Variants in CLASP2 observed in about 807,000 individuals in gnomAD.
CLASP2 encodes CLIP-associating protein 2.
A neutral mutation model predicts 194.4 loss-of-function variants in CLASP2; 47 were observed. The observed-to-expected ratio is 0.24, with a 90% CI of 0.19 to 0.31. The LOEUF (loss-of-function observed/expected upper bound fraction) is 0.31. Ranked by LOEUF, CLASP2 falls within the 10% of genes least tolerant of loss-of-function variation. The pLI, the probability that CLASP2 is intolerant of heterozygous loss-of-function variation, is 1.00. For missense variants in CLASP2, 1,445 were observed against 1,823.6 expected (o/e 0.79, Z 3.78); for synonymous variants, 619 against 633.5 (o/e 0.98, Z 0.34).
chr3:33,656,700 T>C (rs1240487020), intron 7 of CLASP2, among the ~76,000 whole-genome samples: 1 of 152,156 alleles, frequency 6.6e-6, no homozygotes, highest in Admixed American at 6.5e-5. Flanking sequence ...TCAGAACCAT[T>C]TAGAAAAATT....
At chr3:33,506,608 A>T (rs933636800) in intron 37 of CLASP2, among the ~76,000 whole-genome samples, 36 of 152,022 alleles carry the variant, frequency 2.4e-4, no homozygotes, top group Non-Finnish European at 4.4e-4. Context: ...CAATTCTTGG[A>T]GCTTCCTACT....
At chr3:33,530,438 C>G (rs955348676) in intron 34 of CLASP2, among the ~76,000 whole-genome samples, 1 of 152,090 alleles carries the variant, frequency 6.6e-6, no homozygotes, top group Non-Finnish European at 1.5e-5. Flanking sequence ...CCACTGCACT[C>G]CAGCCTAGGT....
In CLASP2 at chr3:33,577,283, A is replaced by G. The variant is rs1287756476; in HGVS notation, c.2348-1008T>C. The G allele has an allele frequency of 1.9e-6, 3 of 1,591,876 alleles. No homozygotes were observed. In the East Asian group the frequency reaches 6.7e-5, roughly 36 times the overall value. ...CTGGAGGCTGGAATAACAGGACCAT[A>G]CAAACCTCATCTATTACCACAGAAA... On this transcript the variant is annotated intron_variant, in intron 23 of 38. Transcript: ENST00000682230.
intron 37 of CLASP2, 39 bp from the exon 38 acceptor site, chr3:33,501,807 C>T (rs2046911424): frequency 7.8e-7 from 1 of 1,281,484 alleles, no homozygotes; most frequent in Admixed American, 1.7e-5. Flanking sequence ...CCAGAGAAGT[C>T]CACTGTTAGT....
At chr3:33,670,311 A>T (rs1269946815) in intron 6 of CLASP2, among the ~76,000 whole-genome samples, 1 of 152,174 alleles carries the variant, frequency 6.6e-6, no homozygotes, top group Non-Finnish European at 1.5e-5. Flanking sequence ...GGGATGTTGT[A>T]ATGTTCTACT....
intron 7 of CLASP2, among the ~76,000 whole-genome samples, chr3:33,662,373 C>G (rs972698408): frequency 2.0e-5 from 3 of 152,154 alleles, no homozygotes; most frequent in African/African-American, 7.2e-5. Flanking sequence ...CTGGTTTCTA[C>G]AGAAATTGAC....
intron 6 of CLASP2, among the ~76,000 whole-genome samples, chr3:33,666,742 G>C (rs915168481): frequency 6.6e-6 from 1 of 152,172 alleles, no homozygotes; most frequent in African/African-American, 2.4e-5. Context: ...GAATTACTAG[G>C]TTATATGATA....
intron 1 of CLASP2, among the ~76,000 whole-genome samples, chr3:33,706,252 AAC>A (rs2092678713): frequency 6.6e-6 from 1 of 152,084 alleles, no homozygotes; most frequent in African/African-American, 2.4e-5. Context: ...TCTCCCAAAA[AAC>A]ACACAAAAAA....
intron 37 of CLASP2, among the ~76,000 whole-genome samples, chr3:33,509,204 A>C (rs2049079969): frequency 6.6e-6 from 1 of 152,208 alleles, no homozygotes. Context: ...GCTTTGTCCT[A>C]ATCTATCTTA....
chr3:33,638,534 C>G (rs1215924307), intron 8 of CLASP2, among the ~76,000 whole-genome samples: 6 of 152,122 alleles, frequency 3.9e-5, no homozygotes, highest in Non-Finnish European at 8.8e-5. Context: ...TCTCGGTCTC[C>G]TGACCTTGTT....
chr3:33,716,788 A>T (rs1017094110), intron 1 of CLASP2, among the ~76,000 whole-genome samples: 23 of 152,224 alleles, frequency 1.5e-4, no homozygotes, highest in African/African-American at 5.1e-4. Flanking sequence ...ACCTTTCCAA[A>T]ACTCATCTGG....
chr3:33,549,794 AGTGGCATG>A (rs927793886), intron 30 of CLASP2, among the ~76,000 whole-genome samples: 7 of 150,276 alleles, frequency 4.7e-5, no homozygotes, highest in Non-Finnish European at 8.9e-5. Flanking sequence ...GCTGGAGTGC[AGTGGCATG>A]ATCTTGTCTC....
At chr3:33,688,645 G>C (rs2090992038) in intron 3 of CLASP2, among the ~76,000 whole-genome samples, 2 of 152,124 alleles carry the variant, frequency 1.3e-5, no homozygotes, top group African/African-American at 2.4e-5. Flanking sequence ...GAAAACCTTA[G>C]AATTTCCAAG....
At chr3:33,716,156 C>A (rs1429530448) in intron 1 of CLASP2, among the ~76,000 whole-genome samples, 1 of 152,116 alleles carries the variant, frequency 6.6e-6, no homozygotes, top group Non-Finnish European at 1.5e-5. Flanking sequence ...GTCACAGCTA[C>A]AAGGAAGTGT....
chr3:33,583,866 G>A (rs1014662122), intron 22 of CLASP2, among the ~76,000 whole-genome samples: 1 of 152,166 alleles, frequency 6.6e-6, no homozygotes, highest in African/African-American at 2.4e-5. Context: ...CTATCCTAAG[G>A]ACAAAGTCAG....
chr3:33,560,321 C>T (rs2061611697), intron 28 of CLASP2, among the ~76,000 whole-genome samples: 1 of 151,862 alleles, frequency 6.6e-6, no homozygotes. Flanking sequence ...CGGCTCACTG[C>T]AACCTCCACC....
Position 33,669,443 on chromosome 3 carries a change from A to G in CLASP2, c.645-5928T>C, listed in dbSNP as rs1171975954. Among the ~76,000 whole-genome samples, 7 of 152,318 alleles carry G rather than the reference A, an allele frequency of 4.6e-5. No individual in the cohort carries two copies. In the East Asian group the frequency reaches 1.3e-3, roughly 29 times the overall value. On this transcript the variant is annotated intron_variant, in intron 6 of 38. Coordinates refer to ENST00000682230, the MANE Select transcript of CLASP2 (RefSeq NM_001365631.1). ...ACATTAAAATTAAGAACTTATGTAC[A>G]TCAAAAGGTATCACCAAGAAAGTAC...
chr3:33,594,250 G>A (rs532441910), intron 20 of CLASP2, among the ~76,000 whole-genome samples: 14 of 152,132 alleles, frequency 9.2e-5, no homozygotes, highest in Admixed American at 9.2e-4. Flanking sequence ...AATCTATTTG[G>A]TTTTGTGTCA....
At chr3:33,598,337 A>G (rs987617470) in intron 18 of CLASP2, among the ~76,000 whole-genome samples, 1 of 150,956 alleles carries the variant, frequency 6.6e-6, no homozygotes, top group Non-Finnish European at 1.5e-5. Context: ...CCCCAATCAC[A>G]CTCTTCTTAA....
Sources: allele counts gnomAD v4.1 joint callset (sites outside exome capture counted in the v4.1 genomes callset), GRCh38; gene constraint gnomAD v4.1.1; transcripts MANE v1.5; gene names NCBI Gene and HGNC (gene_info 2026-07-23, HGNC 2026-07-21).